Variants in FAM53B observed in about 807,000 individuals in gnomAD.
FAM53B encodes the protein protein FAM53B.
FAM53B carries 12 observed loss-of-function variants against 32.7 expected under a neutral mutation model. The ratio of observed to expected loss-of-function variants is 0.37; its 90% CI spans 0.24 to 0.59. The LOEUF is 0.59. Ranked by LOEUF, FAM53B falls within the 20% of genes least tolerant of loss-of-function variation. The pLI is 0.72. For synonymous variants in FAM53B, 234 were observed against 228.7 expected, an observed-to-expected ratio of 1.02 and a Z score of -0.21; for missense variants, 477 against 577.7, an observed-to-expected ratio of 0.83 and a Z score of 1.79.
At chr10:124,693,476 A>AC (rs1234218332) in intron 3 of FAM53B, among the ~76,000 whole-genome samples, 2 of 151,722 alleles carry the variant, frequency 1.3e-5, no homozygotes, top group Non-Finnish European at 2.9e-5. Context: ...CAAAAAAAAA[A>AC]AAAAAAGAAA....
chr10:124,626,099 GACGCCCGA>G (rs1320657482), intron 4 of FAM53B, among the ~76,000 whole-genome samples: 1 of 152,276 alleles, frequency 6.6e-6, no homozygotes, highest in African/African-American at 2.4e-5. Flanking sequence ...GCGTGTGCCT[GACGCCCGA>G]ACGCGTGCCA....
chr10:124,695,787 T>C (rs1949864984), intron 3 of FAM53B, among the ~76,000 whole-genome samples: 1 of 152,234 alleles, frequency 6.6e-6, no homozygotes, highest in African/African-American at 2.4e-5. Context: ...GAATGGGCTA[T>C]ATAAAAAATG....
chr10:124,692,483 G>A (rs1949839973), intron 3 of FAM53B, among the ~76,000 whole-genome samples: 1 of 152,102 alleles, frequency 6.6e-6, no homozygotes, highest in Non-Finnish European at 1.5e-5. Flanking sequence ...GGGAGGCTGA[G>A]GCGGGTGGAT....
chr10:124,706,083 C>T (rs540509127), intron 2 of FAM53B, among the ~76,000 whole-genome samples: 11 of 152,322 alleles, frequency 7.2e-5, no homozygotes, highest in African/African-American at 2.6e-4. Flanking sequence ...TTGTTTTGCT[C>T]GTAGTCTAAG....
rs1183272505 is a variant in FAM53B, at chr10:124,706,926, A to G, written c.-174-39T>C. On this transcript the variant is annotated intron_variant, in intron 1 of 4. Transcript: ENST00000337318. The stretch of plus-strand genomic sequence containing the variant: ...AGAAAAGCAAAAAGATTCAGGACTA[A>G]GAAAGACGAGGGCCCTGAGAGTCAC... 3 of 1,416,870 alleles carry G rather than the reference A, an allele frequency of 2.1e-6. No individual in the cohort carries two copies. The South Asian group carries it at 4.5e-5, about 21-fold the overall frequency. 87.8% of individuals were successfully genotyped at this position (1,416,870 alleles called of 1,614,324 possible). A position where few individuals can be genotyped will look rare whatever the true frequency, so the allele number is the denominator to read the frequency against.
intron 2 of FAM53B, among the ~76,000 whole-genome samples, chr10:124,697,335 A>G (rs1949880133): frequency 6.6e-6 from 1 of 152,108 alleles, no homozygotes; most frequent in Non-Finnish European, 1.5e-5. Flanking sequence ...AAATGACACA[A>G]ACAGACAAGA....
At chr10:124,728,166 G>C (rs780829143) in intron 1 of FAM53B, among the ~76,000 whole-genome samples, 1 of 152,256 alleles carries the variant, frequency 6.6e-6, no homozygotes, top group Admixed American at 6.5e-5. Flanking sequence ...CACTCGGTGA[G>C]TTAGCTGGAG....
chr10:124,720,256 A>C (rs1327138651), intron 1 of FAM53B, among the ~76,000 whole-genome samples: 4 of 152,094 alleles, frequency 2.6e-5, no homozygotes, highest in Non-Finnish European at 5.9e-5. Context: ...TCTCAGACTT[A>C]AAAATAATAA....
chr10:124,663,461 C>T (rs1035096795), intron 4 of FAM53B, among the ~76,000 whole-genome samples: 1 of 152,236 alleles, frequency 6.6e-6, no homozygotes, highest in African/African-American at 2.4e-5. Context: ...AATCCGTCCC[C>T]AGCTGCAAGA....
chr10:124,646,579 G>A (rs919106462), intron 4 of FAM53B, among the ~76,000 whole-genome samples: 4 of 152,222 alleles, frequency 2.6e-5, no homozygotes, highest in East Asian at 1.9e-4. Context: ...CGAGGTTCCC[G>A]ATAGGTGCAG....
chr10:124,623,636 G>T (rs1208687120), intron 4 of FAM53B, 32 bp from the exon 5 acceptor site: 5 of 1,588,232 alleles, frequency 3.1e-6, no homozygotes, highest in Non-Finnish European at 4.3e-6. Flanking sequence ...GGTTACTAAG[G>T]GTTACTCCCC....
chr10:124,743,496 C>T (rs997228594), intron 1 of FAM53B, among the ~76,000 whole-genome samples: 2 of 152,198 alleles, frequency 1.3e-5, no homozygotes, highest in Admixed American at 6.5e-5. Context: ...GCGGAGCCCG[C>T]CGCCTCGCTC....
chr10:124,685,375 G>A (rs2134070478), intron 3 of FAM53B, among the ~76,000 whole-genome samples: 1 of 152,370 alleles, frequency 6.6e-6, no homozygotes, highest in Middle Eastern at 3.4e-3. Context: ...GCCAGGGTCG[G>A]AGCGGGGGCC....
rs144519042 is a variant in FAM53B, at chr10:124,622,612, C to T, written c.*630G>A. The T allele has an allele frequency of 6.6e-6, 1 of 152,668 alleles. No homozygotes were observed. Among genetic ancestry groups the T allele is most frequent in the Non-Finnish European group, 1.5e-5 (1 of 68,080 alleles). The allele number at this position is 152,668 out of a possible 1,614,324, so 9.5% of individuals were successfully genotyped here. ...CCCGAGACTCCGGACATGGCTTACC[C>T]TCTGGAGGGCCAGTCCAGCACCCCA... On this transcript the variant is annotated 3_prime_UTR_variant, in exon 5 of 5. Transcript: ENST00000337318.
chr10:124,650,868 T>C (rs997805260), intron 4 of FAM53B, among the ~76,000 whole-genome samples: 1 of 151,928 alleles, frequency 6.6e-6, no homozygotes, highest in Non-Finnish European at 1.5e-5. Flanking sequence ...CTAAAGTGGA[T>C]TTTCTGTGCC....
At chr10:124,694,508 G>A (rs1411283941) in intron 3 of FAM53B, among the ~76,000 whole-genome samples, 2 of 152,200 alleles carry the variant, frequency 1.3e-5, no homozygotes, top group Non-Finnish European at 2.9e-5. Flanking sequence ...ACAGTGCAAA[G>A]ACTAGAAATC....
At chr10:124,684,720 T>C (rs988739804) in intron 3 of FAM53B, among the ~76,000 whole-genome samples, 2 of 152,122 alleles carry the variant, frequency 1.3e-5, no homozygotes. Context: ...GGTTTCACCA[T>C]GTTGGCCAGG....
chr10:124,726,650 A>G (rs1270551342), intron 1 of FAM53B, among the ~76,000 whole-genome samples: 1 of 152,272 alleles, frequency 6.6e-6, no homozygotes, highest in Non-Finnish European at 1.5e-5. Context: ...AAGGAAACAA[A>G]AAGTCACAGA....
intron 4 of FAM53B, among the ~76,000 whole-genome samples, chr10:124,635,425 G>A (rs1225911251): frequency 6.6e-5 from 10 of 152,180 alleles, no homozygotes; most frequent in African/African-American, 2.4e-4. Context: ...AAAGAACACA[G>A]AAAAGGACAT....
Sources: allele counts gnomAD v4.1 joint callset (sites outside exome capture counted in the v4.1 genomes callset), GRCh38; gene constraint gnomAD v4.1.1; transcripts MANE v1.5; gene names NCBI Gene and HGNC (gene_info 2026-07-23, HGNC 2026-07-21).